Variants in DDI2 observed in about 807,000 individuals in gnomAD.
The protein encoded by DDI2 is protein DDI1 homolog 2.
DDI2 carries 5 observed loss-of-function variants against 48.1 expected under a neutral mutation model. The ratio of observed to expected loss-of-function variants is 0.10; its 90% confidence interval spans 0.05 to 0.22. The LOEUF (loss-of-function observed/expected upper bound fraction) is 0.22, where lower values mean the gene tolerates loss of function less well. Among genes scored for constraint, DDI2 ranks in the 10% least tolerant of loss-of-function variants. The pLI is 1.00. For synonymous variants in DDI2, 205 were observed against 183.6 expected (o/e 1.12, Z -0.94); for missense variants, 285 against 506.2 (o/e 0.56, Z 4.19).
chr1:15,617,546 G>A lies in DDI2; in HGVS notation c.-125G>A. ...ACTGAGCGTGTGTGAGGGAGGGAGC[G>A]AGCGAGCGAACGAGCAGCCGGCGCC... On this transcript the variant is annotated 5_prime_UTR_variant, in exon 1 of 10. Transcript: ENST00000480945. 1 of 752,958 alleles carries A rather than the reference G, an allele frequency of 1.3e-6. No individual in the cohort carries two copies. The highest frequency in any genetic ancestry group is 1.8e-5 in the African/African-American group (1 of 54,518). 46.6% of individuals were successfully genotyped at this position (752,958 alleles called of 1,614,324 possible). A position where few individuals can be genotyped will look rare whatever the true frequency, so the allele number is the denominator to read the frequency against.
chr1:15,644,738 C>T (rs965793966), intron 6 of DDI2, among the ~76,000 whole-genome samples: 1 of 150,424 alleles, frequency 6.6e-6, no homozygotes, highest in African/African-American at 2.4e-5. Context: ...GGACTACAGG[C>T]GCCCGCCACC....
intron 4 of DDI2, among the ~76,000 whole-genome samples, chr1:15,634,652 C>A (rs1639900500): frequency 6.7e-6 from 1 of 148,976 alleles, no homozygotes; most frequent in Non-Finnish European, 1.5e-5. Flanking sequence ...TCACCTTAGC[C>A]TCCCGAATAG....
At chr1:15,649,153 C>G (rs1640136561) in intron 6 of DDI2, among the ~76,000 whole-genome samples, 1 of 151,780 alleles carries the variant, frequency 6.6e-6, no homozygotes, top group African/African-American at 2.4e-5. Context: ...CACGTGAGGT[C>G]AGGAGTTCAA....
intron 3 of DDI2, among the ~76,000 whole-genome samples, chr1:15,633,215 T>C (rs1269734137): frequency 6.6e-6 from 1 of 152,110 alleles, no homozygotes; most frequent in East Asian, 1.9e-4. Context: ...AGGCATGAGC[T>C]ACCACACCCA....
At position 15,619,535 on chromosome 1, in the gene DDI2, T is replaced by C. The variant is rs182082163; in HGVS notation, c.138+1727T>C. Among the ~76,000 whole-genome samples the C allele has an allele frequency of 6.6e-3, 960 of 146,550 alleles. 3 individuals are homozygous for C. Among genetic ancestry groups the C allele is most frequent in the Non-Finnish European group, 9.2e-3 (609 of 66,064 alleles). ...GGAGTGCAGTGGCGCGATCTCGGCT[T>C]ACTGCAAGCTCCACCTCCCGGGTTC... is the stretch of plus-strand genomic sequence containing the variant. On this transcript the variant is annotated intron_variant, in intron 1 of 9. Coordinates refer to ENST00000480945, the MANE Select transcript of DDI2 (RefSeq NM_032341.5).
At chr1:15,627,078 C>A in intron 2 of DDI2, 1 of 370,732 alleles carries the variant, frequency 2.7e-6, no homozygotes, top group East Asian at 4.9e-5. Context: ...TAAATGTTAG[C>A]TTCTGTTATC....
chr1:15,623,809 C>A (rs1639709717), intron 1 of DDI2, among the ~76,000 whole-genome samples: 1 of 151,940 alleles, frequency 6.6e-6, no homozygotes, highest in African/African-American at 2.4e-5. Flanking sequence ...GTCTGTAATC[C>A]CAGCACTTTA....
intron 4 of DDI2, among the ~76,000 whole-genome samples, chr1:15,634,792 A>G (rs1639902286): frequency 6.6e-6 from 1 of 151,930 alleles, no homozygotes; most frequent in Non-Finnish European, 1.5e-5. Flanking sequence ...TCAGCCTCCC[A>G]AAGTGCTAGG....
In DDI2 at chr1:15,638,442, C is replaced by A. The variant is rs1038346640; in HGVS notation, c.760+8C>A. The A allele has an allele frequency of 3.1e-6, 5 of 1,610,750 alleles. No homozygotes were observed. The African/African-American group carries it at 6.7e-5, about 22-fold the overall frequency. Reference sequence around the variant, plus strand: ...AAGCCTTTGTTGACTCAGGTGACGTCTCTGTCTTTTATTTCTTGGTCTCCC... The same window carrying A: ...AAGCCTTTGTTGACTCAGGTGACGTATCTGTCTTTTATTTCTTGGTCTCCC... On this transcript the variant is annotated splice_region_variant and intron_variant, in intron 5 of 9. Coordinates refer to ENST00000480945, the MANE Select transcript of DDI2 (RefSeq NM_032341.5).
At chr1:15,625,638 C>T (rs1270588376) in intron 1 of DDI2, among the ~76,000 whole-genome samples, 1 of 152,094 alleles carries the variant, frequency 6.6e-6, no homozygotes, top group Non-Finnish European at 1.5e-5. Flanking sequence ...TCCCACCACC[C>T]CACCAAGATG....
In DDI2 at chr1:15,655,998, TA is replaced by T. The variant is rs150424481; in HGVS notation, c.1184-609del. Among the ~76,000 whole-genome samples the T allele has an allele frequency of 6.9e-3, 1,044 of 150,474 alleles. 6 individuals are homozygous for T. The highest frequency in any genetic ancestry group is 0.017 in the African/African-American group (705 of 41,106). ...TTATAAACTCTATATTAAAATGTTT[TA>T]AAAAAAAAACATGTTTTTGATAGTA... On this transcript the variant is annotated intron_variant, in intron 8 of 9. Transcript: ENST00000480945.
chr1:15,633,943 T>C (rs1639886977), intron 4 of DDI2: 4 of 414,286 alleles, frequency 9.7e-6, no homozygotes, highest in South Asian at 7.0e-5. Context: ...TTAGACATAT[T>C]GTATAAGTCC....
chr1:15,657,383 G>A (rs1484028903), intron 9 of DDI2, among the ~76,000 whole-genome samples: 1 of 152,312 alleles, frequency 6.6e-6, no homozygotes, highest in East Asian at 1.9e-4. Flanking sequence ...TAGATACATA[G>A]CATTTAGTTT....
At chr1:15,640,883 CAGTT>C (rs1177881072) in intron 5 of DDI2, among the ~76,000 whole-genome samples, 4 of 151,952 alleles carry the variant, frequency 2.6e-5, no homozygotes, top group African/African-American at 7.3e-5. Flanking sequence ...AAAGGGCAGT[CAGTT>C]AGGGAGGAAG....
chr1:15,654,082 G>C (rs1640233810), intron 8 of DDI2, among the ~76,000 whole-genome samples: 1 of 152,168 alleles, frequency 6.6e-6, no homozygotes, highest in Admixed American at 6.6e-5. Context: ...TTACAGTCTT[G>C]TGCTGGCATT....
rs565990003 is a variant in DDI2, at chr1:15,656,571, T to G, written c.1184-46T>G. The G allele has an allele frequency of 1.1e-5, 17 of 1,614,140 alleles. No homozygotes were observed. In the East Asian group the frequency reaches 1.6e-4, roughly 15 times the overall value. On this transcript the variant is annotated intron_variant, in intron 8 of 9. Transcript: ENST00000480945. Reference sequence around the variant, plus strand: ...CTATAACCCTGCATGCTGTGTGGTTTGCATTGTTAACCCAAGTTTGCTTGT... The same window carrying G: ...CTATAACCCTGCATGCTGTGTGGTTGGCATTGTTAACCCAAGTTTGCTTGT...
chr1:15,629,726 ATTTTT>A (rs113510565), intron 2 of DDI2, among the ~76,000 whole-genome samples: 25 of 142,454 alleles, frequency 1.8e-4, no homozygotes, highest in African/African-American at 6.5e-4. Context: ...ACTAGCTTTA[ATTTTT>A]TTTTTTTTTT....
intron 6 of DDI2, among the ~76,000 whole-genome samples, chr1:15,647,297 G>A (rs914775404): frequency 5.9e-5 from 9 of 151,946 alleles, no homozygotes; most frequent in Non-Finnish European, 1.2e-4. Context: ...ACAGGCACCT[G>A]CTACCACACC....
chr1:15,628,328 G>A (rs12077414), intron 2 of DDI2, among the ~76,000 whole-genome samples: 5,109 of 152,264 alleles, frequency 0.034, 291 homozygotes, highest in African/African-American at 0.12. Context: ...GGGAGTTGAA[G>A]AAAGTGGCTA....
Sources: gnomAD v4.1 joint callset for allele counts (sites outside exome capture counted in the v4.1 genomes callset) on GRCh38, gnomAD v4.1.1 for gene constraint, MANE v1.5 for transcripts, NCBI Gene and HGNC (gene_info 2026-07-23, HGNC 2026-07-21) for gene names.